Variants in ASIC2 observed in about 807,000 individuals in gnomAD.
ASIC2 encodes the protein acid-sensing ion channel 2.
A neutral mutation model predicts 57.3 loss-of-function variants in ASIC2; 25 were observed. The observed-to-expected ratio is 0.44, with a 90% CI of 0.32 to 0.61. The LOEUF is 0.61. Ranked by LOEUF, ASIC2 falls within the 20% of genes least tolerant of loss-of-function variation. ASIC2 has a pLI of 0.06. For missense variants in ASIC2, 641 were observed against 738.1 expected (o/e 0.87, Z 1.52); for synonymous variants, 319 against 307.5 (o/e 1.04, Z -0.39).
intron 1 of ASIC2, among the ~76,000 whole-genome samples, chr17:33,480,938 G>T (rs538036459): frequency 6.6e-6 from 1 of 152,228 alleles, no homozygotes; most frequent in Non-Finnish European, 1.5e-5. Flanking sequence ...CTCCAGGTTT[G>T]CTCTTTGACC....
intron 3 of ASIC2, among the ~76,000 whole-genome samples, chr17:33,087,876 T>C (rs1246790293): frequency 3.3e-5 from 5 of 152,106 alleles, no homozygotes; most frequent in Admixed American, 2.6e-4. Flanking sequence ...AAGTTTTTAA[T>C]GCAGAATATC....
intron 1 of ASIC2, among the ~76,000 whole-genome samples, chr17:33,395,778 A>G (rs1238619844): frequency 6.6e-6 from 1 of 152,126 alleles, no homozygotes; most frequent in Non-Finnish European, 1.5e-5. Context: ...GGGCAAGGCA[A>G]GTGTGATTTT....
Position 33,028,161 on chromosome 17 carries a change from T to C in ASIC2, c.1138+81A>G. 3.3e-6 allele frequency: 5 copies of C among 1,524,302 alleles called. 1 individual carries two copies. Among genetic ancestry groups the C allele is most frequent in the Non-Finnish European group, 4.5e-6 (5 of 1,114,834 alleles). 94.4% of individuals were successfully genotyped at this position (1,524,302 alleles called of 1,614,324 possible). On this transcript the variant is annotated intron_variant, in intron 4 of 9. Coordinates refer to ENST00000225823, the MANE Select transcript of ASIC2 (RefSeq NM_183377.2). The stretch of plus-strand genomic sequence containing the variant: ...TTGGATCCCAGCGAAGTGGGTGAAG[T>C]GTTTCCCATTAGGATGAGAAATGCA...
chr17:34,002,087 T>A (rs908923378), intron 1 of ASIC2: 6 of 152,286 alleles, frequency 3.9e-5, no homozygotes, highest in Non-Finnish European at 7.3e-5. Flanking sequence ...CCAGGCAGCC[T>A]TCTCTAACTC....
intron 1 of ASIC2, among the ~76,000 whole-genome samples, chr17:34,123,146 G>C (rs1273700884): frequency 6.6e-6 from 1 of 152,226 alleles, no homozygotes; most frequent in East Asian, 1.9e-4. Flanking sequence ...CCTAGAACAT[G>C]GCCCTCTCCA....
At chr17:33,721,829 A>G (rs1344178398) in intron 1 of ASIC2, among the ~76,000 whole-genome samples, 3 of 152,166 alleles carry the variant, frequency 2.0e-5, no homozygotes, top group Non-Finnish European at 2.9e-5. Flanking sequence ...GTGAACACAA[A>G]GTGCTAAGGT....
intron 1 of ASIC2, among the ~76,000 whole-genome samples, chr17:33,148,891 C>T (rs548970885): frequency 2.0e-5 from 3 of 152,080 alleles, no homozygotes; most frequent in African/African-American, 7.2e-5. Flanking sequence ...GTCAGGAGTT[C>T]AAGACCAGCC....
intron 1 of ASIC2, among the ~76,000 whole-genome samples, chr17:33,567,675 T>A (rs530111390): frequency 6.6e-6 from 1 of 152,152 alleles, no homozygotes; most frequent in African/African-American, 2.4e-5. Flanking sequence ...TAGACTGGAA[T>A]TGAATCTCAG....
chr17:33,985,373 G>A (rs898314808), intron 1 of ASIC2, among the ~76,000 whole-genome samples: 2 of 152,128 alleles, frequency 1.3e-5, no homozygotes, highest in Non-Finnish European at 2.9e-5. Flanking sequence ...ACTTTAGCGT[G>A]CATAGAAACT....
intron 1 of ASIC2, among the ~76,000 whole-genome samples, chr17:33,135,111 G>A (rs1320422318): frequency 1.3e-5 from 2 of 152,120 alleles, no homozygotes; most frequent in African/African-American, 4.8e-5. Flanking sequence ...TGGAATGTGG[G>A]TTTTCTGACT....
chr17:33,987,234 CCA>C (rs1419489817), intron 1 of ASIC2, among the ~76,000 whole-genome samples: 1 of 152,138 alleles, frequency 6.6e-6, no homozygotes, highest in East Asian at 1.9e-4. Flanking sequence ...TCGGCTGCTC[CCA>C]TGACCACCTC....
At chr17:33,196,887 G>A (rs111460825) in intron 1 of ASIC2, among the ~76,000 whole-genome samples, 1,725 of 152,266 alleles carry the variant, frequency 0.011, 12 homozygotes, top group South Asian at 0.046. Flanking sequence ...TCTCCGCCTC[G>A]GCATTAGAAT....
At chr17:33,453,383 T>G (rs1912336080) in intron 1 of ASIC2, among the ~76,000 whole-genome samples, 1 of 152,086 alleles carries the variant, frequency 6.6e-6, no homozygotes, top group Non-Finnish European at 1.5e-5. Context: ...CTCCTACATA[T>G]TTTTCTAAGG....
At chr17:33,698,432 G>A (rs539380806) in intron 1 of ASIC2, among the ~76,000 whole-genome samples, 58 of 152,284 alleles carry the variant, frequency 3.8e-4, no homozygotes, top group Non-Finnish European at 6.6e-4. Context: ...GTTTTCAAAC[G>A]TTATTATTAG....
intron 1 of ASIC2, among the ~76,000 whole-genome samples, chr17:34,111,081 C>A (rs1030682293): frequency 6.6e-6 from 1 of 151,842 alleles, no homozygotes; most frequent in Non-Finnish European, 1.5e-5. Context: ...AAAAAGTTAG[C>A]TGGGCATGGC....
intron 1 of ASIC2, among the ~76,000 whole-genome samples, chr17:33,872,830 C>G (rs948915747): frequency 6.6e-6 from 1 of 152,018 alleles, no homozygotes; most frequent in Non-Finnish European, 1.5e-5. Context: ...TCCTGGGTGG[C>G]GGTAATGAGC....
intron 1 of ASIC2, among the ~76,000 whole-genome samples, chr17:33,232,362 G>A (rs568396619): frequency 6.6e-6 from 1 of 151,916 alleles, no homozygotes; most frequent in Non-Finnish European, 1.5e-5. Context: ...ATTTCTGTAG[G>A]TAAGACATCC....
intron 1 of ASIC2, among the ~76,000 whole-genome samples, chr17:33,427,236 CA>C (rs1219828464): frequency 6.6e-6 from 1 of 152,078 alleles, no homozygotes; most frequent in African/African-American, 2.4e-5. Context: ...ATAAAATAAA[CA>C]ATAAGAGATG....
chr17:33,627,388 C>T (rs964877863), intron 1 of ASIC2: 2 of 152,384 alleles, frequency 1.3e-5, no homozygotes, highest in African/African-American at 2.4e-5. Context: ...ATGCCCTGCA[C>T]CCTGGTGCCA....
Sources: allele counts gnomAD v4.1 joint callset (sites outside exome capture counted in the v4.1 genomes callset), GRCh38; gene constraint gnomAD v4.1.1; transcripts MANE v1.5; gene names NCBI Gene and HGNC (gene_info 2026-07-23, HGNC 2026-07-21).